Variants in HEPHL1 observed in about 807,000 individuals in gnomAD.
HEPHL1 encodes the protein hephaestin like 1.
Under a neutral mutation model 122.0 loss-of-function variants are expected in HEPHL1, and 123 were observed. That is an observed-to-expected ratio of 1.01 (90% CI 0.87 to 1.17). The LOEUF (loss-of-function observed/expected upper bound fraction) is 1.17, where lower values mean the gene tolerates loss of function less well. Among genes scored for constraint, HEPHL1 ranks in the 50% most tolerant of loss-of-function variants. The pLI is 0.00. For synonymous variants in HEPHL1, 527 were observed against 508.9 expected (o/e 1.04, Z -0.48); for missense variants, 1,452 against 1,430.5 (o/e 1.01, Z -0.24).
chr11:94,110,107 A>G (rs528268879), intron 17 of HEPHL1, among the ~76,000 whole-genome samples: 1 of 152,266 alleles, frequency 6.6e-6, no homozygotes, highest in East Asian at 1.9e-4. Context: ...CAATTTTTGG[A>G]TAAGAGGTGT....
chr11:94,095,475 T>A (rs531181544), intron 13 of HEPHL1, among the ~76,000 whole-genome samples: 1 of 152,178 alleles, frequency 6.6e-6, no homozygotes, highest in Non-Finnish European at 1.5e-5. Flanking sequence ...CTTGGCAATG[T>A]GGGCTCTTTT....
At chr11:94,030,685 G>C (rs1362511490) in intron 1 of HEPHL1, among the ~76,000 whole-genome samples, 1 of 152,204 alleles carries the variant, frequency 6.6e-6, no homozygotes, top group Non-Finnish European at 1.5e-5. Context: ...ACTATTCCAA[G>C]TTGCAAGCAA....
chr11:94,096,597 C>T (rs1051073474), intron 13 of HEPHL1, among the ~76,000 whole-genome samples: 41 of 152,252 alleles, frequency 2.7e-4, no homozygotes, highest in African/African-American at 6.5e-4. Flanking sequence ...GGAATGGTAC[C>T]AGCTCCTCCT....
intron 2 of HEPHL1, chr11:94,055,696 C>G: frequency 2.6e-6 from 1 of 386,654 alleles, no homozygotes; most frequent in Non-Finnish European, 5.0e-6. Flanking sequence ...GAAGACAATG[C>G]ACTCTGTGAT....
At chr11:94,046,072 C>CT (rs1200094966) in intron 2 of HEPHL1, among the ~76,000 whole-genome samples, 155 bp downstream of exon 2, 1 of 130,636 alleles carries the variant, frequency 7.7e-6, no homozygotes, top group Non-Finnish European at 1.6e-5. Flanking sequence ...TCTATTCTGT[C>CT]TCTCTCTTCC....
chr11:94,045,744 G>C lies in HEPHL1; in HGVS notation c.242G>C (p.Arg81Pro), dbSNP rs185760944. 1.2e-6 allele frequency: 2 copies of C among 1,613,614 alleles called. No homozygotes were observed. Among genetic ancestry groups the C allele is most frequent in the Non-Finnish European group, 1.7e-6 (2 of 1,179,810 alleles). The change falls in exon 2 of 20, where the codon CGC becomes CCC. Residue 81 changes from arginine (R) to proline (P), a missense_variant. Transcript: ENST00000315765. Reference sequence around the variant, plus strand: ...ATTTACAAAAAGGCTGTTTACAGACGCTTCACGGATGGAACCTACTCCATA... The same window carrying C: ...ATTTACAAAAAGGCTGTTTACAGACCCTTCACGGATGGAACCTACTCCATA... ...GSIYKKAVYR[R>P]FTDGTYSIEI...
chr11:94,082,317 G>T lies in HEPHL1; in HGVS notation c.1717-101G>T, dbSNP rs985422675. The T allele has an allele frequency of 4.6e-5, 38 of 819,444 alleles. No homozygotes were observed. The African/African-American group carries it at 4.8e-4, about 10-fold the overall frequency. The allele number at this position is 819,444 out of a possible 1,614,324, so 50.8% of individuals were successfully genotyped here. On this transcript the variant is annotated intron_variant, in intron 9 of 19. Coordinates refer to ENST00000315765, the MANE Select transcript of HEPHL1 (RefSeq NM_001098672.2). ...CGAACTCTTGGGCTGATGTTGATCT[G>T]CCCTGACTTATTAATATTTTGTGTG...
At chr11:94,065,478 G>A (rs1315393836) in intron 4 of HEPHL1, among the ~76,000 whole-genome samples, 1 of 152,142 alleles carries the variant, frequency 6.6e-6, no homozygotes, top group African/African-American at 2.4e-5. Context: ...TTGATTCCTA[G>A]GCACATCAAG....
At chr11:94,045,978 A>G (rs1235331067) in intron 2 of HEPHL1, 61 bp downstream of exon 2, 3 of 1,499,180 alleles carry the variant, frequency 2.0e-6, no homozygotes, top group African/African-American at 2.8e-5. Context: ...GGTAACTGTC[A>G]GAGTTAAAGA....
intron 12 of HEPHL1, among the ~76,000 whole-genome samples, chr11:94,093,141 CAT>C (rs1946275058): frequency 6.6e-6 from 1 of 150,408 alleles, no homozygotes; most frequent in East Asian, 1.9e-4. Flanking sequence ...ATGACACACA[CAT>C]GAAGATGCAA....
At chr11:94,084,153 C>T (rs36052428) in intron 10 of HEPHL1, among the ~76,000 whole-genome samples, 2 of 151,630 alleles carry the variant, frequency 1.3e-5, no homozygotes, top group African/African-American at 4.8e-5. Flanking sequence ...AGTGAGACCC[C>T]ATCTCTACAG....
At chr11:94,068,550 C>T (rs1459220723) in intron 5 of HEPHL1, among the ~76,000 whole-genome samples, 1 of 152,118 alleles carries the variant, frequency 6.6e-6, no homozygotes, top group Non-Finnish European at 1.5e-5. Context: ...CCATAATGTT[C>T]CTTACAGAGA....
chr11:94,065,078 T>C (rs1946022411), intron 4 of HEPHL1, among the ~76,000 whole-genome samples: 1 of 152,236 alleles, frequency 6.6e-6, no homozygotes, highest in African/African-American at 2.4e-5. Flanking sequence ...AGTGAACTTC[T>C]ATAGTTACTT....
At position 94,021,488 on chromosome 11, in the gene HEPHL1, T is replaced by G; in HGVS notation, c.120T>G (p.Tyr40Ter). ...YIGIVEEYWN[Y>*]VPQGKNVITG... The stretch of plus-strand genomic sequence containing the variant: ...GGATTGTGGAAGAATACTGGAACTA[T>G]GTACCCCAAGGGAAGAATGTTATTA... Residue 40 changes from tyrosine to a stop codon, truncating the protein, a stop_gained, in exon 1 of 20, where the codon TAT becomes TAG. Transcript: ENST00000315765. LOFTEE classifies it high-confidence loss of function. 6.2e-7 allele frequency: 1 copy of G among 1,613,302 alleles called. No individual in the cohort carries two copies. Among genetic ancestry groups the G allele is most frequent in the Non-Finnish European group, 8.5e-7 (1 of 1,179,490 alleles).
chr11:94,077,418 A>G (rs1291629640), intron 9 of HEPHL1, among the ~76,000 whole-genome samples: 3 of 152,106 alleles, frequency 2.0e-5, no homozygotes, highest in Non-Finnish European at 2.9e-5. Flanking sequence ...TAGAACTTGT[A>G]TATATTTATG....
chr11:94,041,117 T>C (rs1392458283), intron 1 of HEPHL1, among the ~76,000 whole-genome samples: 6 of 144,932 alleles, frequency 4.1e-5, no homozygotes, highest in Non-Finnish European at 6.1e-5. Flanking sequence ...TGAACTCCCA[T>C]TCACAATTGC....
At chr11:94,051,280 G>A (rs932365619) in intron 2 of HEPHL1, among the ~76,000 whole-genome samples, 1 of 152,094 alleles carries the variant, frequency 6.6e-6, no homozygotes, top group African/African-American at 2.4e-5. Flanking sequence ...CAATGTACAA[G>A]GGTTCCATTT....
At position 94,021,482 on chromosome 11, in the gene HEPHL1, G is replaced by T. The variant is rs1310310193; in HGVS notation, c.114G>T (p.Trp38Cys). The change falls in exon 1 of 20, where the codon TGG becomes TGT. Residue 38 changes from tryptophan (W) to cysteine (C), a missense_variant. Transcript: ENST00000315765. ...TYYIGIVEEY[W>C]NYVPQGKNVI... ...ACATTGGGATTGTGGAAGAATACTGGAACTATGTACCCCAAGGGAAGAATG... is the reference window on the plus strand; with the variant it reads ...ACATTGGGATTGTGGAAGAATACTGTAACTATGTACCCCAAGGGAAGAATG... The T allele has an allele frequency of 1.2e-6, 2 of 1,613,422 alleles. No individual in the cohort carries two copies. The highest frequency in any genetic ancestry group is 2.2e-5 in the East Asian group (1 of 44,874).
chr11:94,029,054 C>T (rs1945649721), intron 1 of HEPHL1, among the ~76,000 whole-genome samples: 1 of 152,204 alleles, frequency 6.6e-6, no homozygotes, highest in South Asian at 2.1e-4. Context: ...GTCTTAAACT[C>T]CTAGCCTCAA....
Sources: allele counts gnomAD v4.1 joint callset (sites outside exome capture counted in the v4.1 genomes callset), GRCh38; gene constraint gnomAD v4.1.1; transcripts MANE v1.5; gene names NCBI Gene and HGNC (gene_info 2026-07-23, HGNC 2026-07-21).